GLB1: variants seen among roughly 807,000 people sequenced by gnomAD.
GLB1 encodes the protein beta-galactosidase.
GLB1 carries 56 observed loss-of-function variants against 74.0 expected under a neutral mutation model. The observed-to-expected ratio is 0.76, with a 90% CI of 0.61 to 0.94. The LOEUF (loss-of-function observed/expected upper bound fraction) is 0.94. GLB1 is among the 40% of genes least tolerant of loss of function. GLB1 has a pLI of 0.00. For synonymous variants in GLB1, 323 were observed against 323.6 expected (o/e 1.00, Z 0.02); for missense variants, 787 against 845.5 (o/e 0.93, Z 0.86).
At chr3:32,992,813 C>T (rs956660106), downstream of GLB1, among the ~76,000 whole-genome samples, 3 of 152,180 alleles carry the variant, frequency 2.0e-5, no homozygotes, top group African/African-American at 4.8e-5. Flanking sequence ...GAATCTTCAC[C>T]GGGCATTCAC....
rs575600236 is a variant in GLB1 at position 33,097,027 on chromosome 3, G to A, written c.59C>T (p.Pro20Leu). The change falls in exon 1 of 16, where the codon CCT becomes CTT. Residue 20 changes from proline to leucine, a missense_variant. Physicochemically the swap from Pro to Leu is moderately conservative, Grantham distance 98. Transcript: ENST00000307363. Reference sequence around the variant, plus strand: ...CAGACTTACGCGCAAGCCGCGCGTAGGGCCCAGAAGCAGCAGAACCAGCAA... The same window carrying A: ...CAGACTTACGCGCAAGCCGCGCGTAAGGCCCAGAAGCAGCAGAACCAGCAA... ...PLLLVLLLLG[P>L]TRGLRNATQR... The A allele has an allele frequency of 1.2e-6, 2 of 1,612,330 alleles. No individual in the cohort carries two copies. Among genetic ancestry groups the A allele is most frequent in the African/African-American group, 2.7e-5 (2 of 74,932 alleles).
At chr3:33,039,642 G>A (rs1032583066) in intron 10 of GLB1, among the ~76,000 whole-genome samples, 4 of 152,146 alleles carry the variant, frequency 2.6e-5, no homozygotes, top group African/African-American at 9.7e-5. Flanking sequence ...AGGAAAAAAC[G>A]TCTAACACAC....
chr3:33,027,144 T>C (rs921680511), intron 10 of GLB1, among the ~76,000 whole-genome samples: 12 of 152,352 alleles, frequency 7.9e-5, no homozygotes, highest in African/African-American at 2.9e-4. Flanking sequence ...CTGTGGTTCC[T>C]GGCATCTCCA....
chr3:33,053,431 G>C (rs969176203), intron 7 of GLB1, 60 bp downstream of exon 7: 3 of 1,612,890 alleles, frequency 1.9e-6, no homozygotes, highest in African/African-American at 1.3e-5. Context: ...CCCAGTTTCA[G>C]CAGCATGTAA....
intron 9 of GLB1, among the ~76,000 whole-genome samples, chr3:33,047,023 C>A (rs1448270301): frequency 6.6e-6 from 1 of 152,184 alleles, no homozygotes; most frequent in Non-Finnish European, 1.5e-5. Context: ...ACAGCCAACC[C>A]AGCTGCAGAG....
chr3:33,031,723 C>CA (rs1160285103), intron 10 of GLB1, among the ~76,000 whole-genome samples: 6 of 119,396 alleles, frequency 5.0e-5, no homozygotes, highest in Middle Eastern at 6.6e-3. Context: ...CCAGAAATAT[C>CA]AAAAAAAGAG....
chr3:33,025,029 T>C, intron 10 of GLB1, among the ~76,000 whole-genome samples: 1 of 151,586 alleles, frequency 6.6e-6, no homozygotes, highest in Admixed American at 6.6e-5. Context: ...CACCGCAACC[T>C]CTGCCTCCCG....
At chr3:33,046,263 AC>A in intron 9 of GLB1, 31 bp from the exon 10 acceptor site, 2 of 1,612,270 alleles carry the variant, frequency 1.2e-6, no homozygotes, top group Non-Finnish European at 1.7e-6. Flanking sequence ...ACTAGTTATT[AC>A]TGATGGTGCA....
intron 5 of GLB1, among the ~76,000 whole-genome samples, chr3:33,060,547 C>G (rs553368868): frequency 5.9e-5 from 9 of 152,318 alleles, no homozygotes; most frequent in East Asian, 5.8e-4. Flanking sequence ...CTCACAGCCT[C>G]TGTACCTCAT....
intron 15 of GLB1, among the ~76,000 whole-genome samples, chr3:33,006,563 C>T (rs1294098390): frequency 6.6e-6 from 1 of 152,130 alleles, no homozygotes; most frequent in Non-Finnish European, 1.5e-5. Context: ...AATGGACTTT[C>T]CAGTCAGATA....
chr3:33,075,925 G>GT lies in GLB1; in HGVS notation c.76-3213dup, dbSNP rs557166017. On this transcript the variant is annotated intron_variant, in intron 1 of 15. Coordinates refer to ENST00000307363, the MANE Select transcript of GLB1 (RefSeq NM_000404.4). ...CCGGGCGTGGTGGTAGGTGCCTGTA[G>GT]TCCCAGCTACACAGGAGGCTGAGGC... Among the ~76,000 whole-genome samples, 4 of 151,900 alleles carry GT rather than the reference G, an allele frequency of 2.6e-5. No individual in the cohort carries two copies. The South Asian group carries it at 8.3e-4, about 32-fold the overall frequency.
chr3:32,996,229 T>C (rs4678523), downstream of GLB1, among the ~76,000 whole-genome samples: 43,807 of 152,034 alleles, frequency 0.29, 6,752 homozygotes, highest in Middle Eastern at 0.42. Flanking sequence ...GACAGGAATA[T>C]CAGAAACACC....
At chr3:33,074,389 G>GAAAGAAAAAGAAAGAAAGA (rs1559412979) in intron 1 of GLB1, among the ~76,000 whole-genome samples, 1 of 38,912 alleles carries the variant, frequency 2.6e-5, no homozygotes, top group African/African-American at 1.1e-4. Context: ...AGGAAGGAAG[G>GAAAGAAAAAGAAAGAAAGA]AAGAAAGAAA....
the GLB1 span, among the ~76,000 whole-genome samples, chr3:32,988,773 T>C: frequency 6.6e-6 from 1 of 152,164 alleles, no homozygotes; most frequent in Non-Finnish European, 1.5e-5. Flanking sequence ...TATCAGCCTA[T>C]CAGGCAATCA....
chr3:33,075,829 C>T (rs945355099), intron 1 of GLB1, among the ~76,000 whole-genome samples: 8 of 151,916 alleles, frequency 5.3e-5, no homozygotes, highest in Admixed American at 2.6e-4. Flanking sequence ...ATCACGAGGT[C>T]GGGAGATCGA....
the GLB1 span, among the ~76,000 whole-genome samples, chr3:32,980,555 G>A: frequency 6.6e-6 from 1 of 152,232 alleles, no homozygotes; most frequent in Middle Eastern, 3.4e-3. Context: ...GGCCAAGGTG[G>A]GTGGATCACA....
chr3:32,979,714 T>G, the GLB1 span, among the ~76,000 whole-genome samples: 1 of 151,864 alleles, frequency 6.6e-6, no homozygotes, highest in Non-Finnish European at 1.5e-5. Context: ...TAGCTGGGCA[T>G]GGTGGCATGT....
rs149442180 is a variant in GLB1 at position 33,094,132 on chromosome 3, C to T, written c.75+2879G>A. 1.9e-5 allele frequency: 30 copies of T among 1,613,706 alleles called. No homozygotes were observed. In the African/African-American group the frequency reaches 2.0e-4, roughly 11 times the overall value. On this transcript the variant is annotated intron_variant, in intron 1 of 15. Transcript: ENST00000307363. The stretch of plus-strand genomic sequence containing the variant: ...TACGAGCGGGAGGCGATCATGGACA[C>T]GAAGACAGTGACAGCAGCCAGGGTG...
rs2125469895 is a variant in GLB1 at position 33,018,471 on chromosome 3, G to A, written c.1324C>T (p.Arg442Ter). 14 of 1,614,056 alleles carry A rather than the reference G, an allele frequency of 8.7e-6. No homozygotes were observed. The highest frequency in any genetic ancestry group is 2.2e-5 in the South Asian group (2 of 91,070). ...LSSPLNGVHDRAYVAVDGIPQ... is the reference protein window; with the variant it reads ...LSSPLNGVHD ...ACCCCATCCACAGCAACATATGCTC[G>A]ATCGTGGACTCCATTGAGGGGTGAA... Residue 442 changes from arginine to a stop codon, truncating the protein, a stop_gained, in exon 13 of 16, where the codon CGA becomes TGA. Transcript: ENST00000307363. LOFTEE classifies it high-confidence loss of function.
Sources: allele counts gnomAD v4.1 joint callset (sites outside exome capture counted in the v4.1 genomes callset), GRCh38; gene constraint gnomAD v4.1.1; transcripts MANE v1.5; gene names NCBI Gene and HGNC (gene_info 2026-07-23, HGNC 2026-07-21).